CUBN: variants seen among roughly 807,000 people sequenced by gnomAD.
CUBN encodes cubilin.
In CUBN, 282 loss-of-function variants were observed where a neutral mutation model predicts 405.3. The observed-to-expected ratio is 0.70, with a 90% CI of 0.63 to 0.77. The LOEUF is 0.77. CUBN is among the 30% of genes least tolerant of loss of function. The pLI is 0.00. For missense variants in CUBN, 4,514 were observed against 4,475.2 expected (o/e 1.01, Z -0.25); for synonymous variants, 1,684 against 1,617.0 (o/e 1.04, Z -0.99).
chr10:17,063,152 G>A (rs1564499932), intron 22 of CUBN, among the ~76,000 whole-genome samples: 1 of 152,170 alleles, frequency 6.6e-6, no homozygotes, highest in Non-Finnish European at 1.5e-5. Flanking sequence ...AGCAATGCAT[G>A]AGAGCCGATC....
chr10:16,916,094 T>C (rs1841877115), intron 45 of CUBN, 64 bp from the exon 46 acceptor site: 18 of 1,540,126 alleles, frequency 1.2e-5, no homozygotes, highest in African/African-American at 1.4e-5. Flanking sequence ...TTGATTCTAT[T>C]ACAAATTTTG....
At chr10:17,020,988 G>C (rs1267677622) in intron 27 of CUBN, among the ~76,000 whole-genome samples, 1 of 152,180 alleles carries the variant, frequency 6.6e-6, no homozygotes, top group Non-Finnish European at 1.5e-5. Context: ...GCAGTTAACA[G>C]AGGTGTTTCT....
intron 13 of CUBN, among the ~76,000 whole-genome samples, chr10:17,101,827 A>G (rs1314395919): frequency 2.0e-5 from 3 of 152,148 alleles, no homozygotes; most frequent in Non-Finnish European, 4.4e-5. Context: ...TCTCAATGGC[A>G]CTAGGCTCTG....
intron 50 of CUBN, among the ~76,000 whole-genome samples, chr10:16,904,852 G>C (rs1480346610): frequency 1.3e-5 from 2 of 152,202 alleles, no homozygotes; most frequent in African/African-American, 4.8e-5. Context: ...AACAGGCAGA[G>C]GGGGTGAGGG....
chr10:17,036,844 C>A (rs7912325), intron 27 of CUBN, among the ~76,000 whole-genome samples: 7,414 of 152,224 alleles, frequency 0.049, 623 homozygotes, highest in African/African-American at 0.17. Context: ...GACTTGGGGG[C>A]AGCAGGAACA....
At chr10:16,940,290 G>A in intron 36 of CUBN, 53 bp from the exon 37 acceptor site, 1 of 1,498,774 alleles carries the variant, frequency 6.7e-7, no homozygotes, top group Non-Finnish European at 9.3e-7. Context: ...AATAGACTTT[G>A]GGATTCTCCC....
chr10:16,840,349 TGTAA>T lies in CUBN; in HGVS notation c.10009_10012del (p.Leu3337SerfsTer31). ...TGTTACCTGCGGTGAGTCCTGAAGC[TGTAA>T]GTAATTCTGCGTGCAGTCTTGCGAG... On this transcript the variant is annotated frameshift_variant, in exon 62 of 67. Coordinates refer to ENST00000377833, the MANE Select transcript of CUBN (RefSeq NM_001081.4). LOFTEE classifies it high-confidence loss of function. 1.2e-6 allele frequency: 2 copies of T among 1,614,170 alleles called. No homozygotes were observed. Among genetic ancestry groups the T allele is most frequent in the Middle Eastern group, 1.6e-4 (1 of 6,062 alleles).
intron 55 of CUBN, 98 bp downstream of exon 55, chr10:16,890,273 T>C (rs1788786114): frequency 1.7e-6 from 2 of 1,146,356 alleles, no homozygotes; most frequent in Admixed American, 1.7e-5. Context: ...TAGACCCCCA[T>C]ACTCCTCCCC....
chr10:17,060,611 G>A (rs1835484690), intron 22 of CUBN, among the ~76,000 whole-genome samples: 1 of 152,176 alleles, frequency 6.6e-6, no homozygotes, highest in Non-Finnish European at 1.5e-5. Context: ...GAAAACACTA[G>A]CCAGTAAGAA....
intron 22 of CUBN, among the ~76,000 whole-genome samples, chr10:17,057,544 C>T (rs1835422096): frequency 6.6e-6 from 1 of 152,030 alleles, no homozygotes; most frequent in Admixed American, 6.6e-5. Context: ...TTGGCACTTT[C>T]TTATAAAGTT....
At chr10:16,999,499 A>G (rs1833822106) in intron 28 of CUBN, among the ~76,000 whole-genome samples, 1 of 152,240 alleles carries the variant, frequency 6.6e-6, no homozygotes. Flanking sequence ...AGGAGAAATC[A>G]ATCATTTGAT....
intron 59 of CUBN, among the ~76,000 whole-genome samples, chr10:16,865,126 G>A (rs1396491240): frequency 1.3e-5 from 2 of 151,352 alleles, no homozygotes; most frequent in Non-Finnish European, 1.5e-5. Flanking sequence ...GCACCACCAT[G>A]CCTGGCTAAT....
chr10:16,955,127 T>C (rs913965305), intron 31 of CUBN, among the ~76,000 whole-genome samples: 2 of 152,018 alleles, frequency 1.3e-5, no homozygotes, highest in Non-Finnish European at 2.9e-5. Context: ...TCCCAGCACT[T>C]TGGGAGGCTG....
At chr10:16,826,446 TAC>T (rs776586806) in intron 66 of CUBN, among the ~76,000 whole-genome samples, 73 of 152,200 alleles carry the variant, frequency 4.8e-4, no homozygotes, top group Non-Finnish European at 8.4e-4. Flanking sequence ...TATTACAACT[TAC>T]AAAAAGTTGT....
At chr10:17,049,028 A>G (rs1229635349) in intron 22 of CUBN, among the ~76,000 whole-genome samples, 2 of 152,220 alleles carry the variant, frequency 1.3e-5, no homozygotes, top group East Asian at 3.8e-4. Context: ...TTTAACACCA[A>G]AGATTATGTT....
intron 31 of CUBN, among the ~76,000 whole-genome samples, chr10:16,967,897 G>GAGAGAGAGAA (rs1242419894): frequency 1.3e-5 from 2 of 150,618 alleles, no homozygotes; most frequent in African/African-American, 2.4e-5. Context: ...GAGAGACAGA[G>GAGAGAGAGAA]GGAGAGAGAG....
intron 54 of CUBN, among the ~76,000 whole-genome samples, chr10:16,890,820 T>C (rs2131400910): frequency 6.6e-6 from 1 of 152,284 alleles, no homozygotes; most frequent in East Asian, 1.9e-4. Flanking sequence ...TCCTCATAAC[T>C]TCTAGTTGCC....
chr10:16,910,574 T>C (rs1371345391), intron 48 of CUBN, among the ~76,000 whole-genome samples: 1 of 151,968 alleles, frequency 6.6e-6, no homozygotes, highest in East Asian at 1.9e-4. Flanking sequence ...CCCTCATGCA[T>C]ACAGAGATAC....
At chr10:16,889,633 G>A (rs950964643) in intron 55 of CUBN, among the ~76,000 whole-genome samples, 2 of 152,018 alleles carry the variant, frequency 1.3e-5, no homozygotes, top group African/African-American at 2.4e-5. Flanking sequence ...GGCCGGGCAC[G>A]GTGGCTTATG....
Sources: gnomAD v4.1 joint callset for allele counts (sites outside exome capture counted in the v4.1 genomes callset) on GRCh38, gnomAD v4.1.1 for gene constraint, MANE v1.5 for transcripts, NCBI Gene and HGNC (gene_info 2026-07-23, HGNC 2026-07-21) for gene names.